TBC1D15: variants seen among roughly 807,000 people sequenced by gnomAD.
TBC1D15 encodes the protein TBC1 domain family member 15.
A neutral mutation model predicts 95.4 loss-of-function variants in TBC1D15; 39 were observed. That is an observed-to-expected ratio of 0.41 (90% CI 0.32 to 0.53). The LOEUF (loss-of-function observed/expected upper bound fraction) is 0.53. Among genes scored for constraint, TBC1D15 ranks in the 20% least tolerant of loss-of-function variants. The pLI is 0.29. For synonymous variants in TBC1D15, 258 were observed against 261.3 expected, an observed-to-expected ratio of 0.99 and a Z score of 0.12; for missense variants, 733 against 794.3, an observed-to-expected ratio of 0.92 and a Z score of 0.93.
intron 10 of TBC1D15, among the ~76,000 whole-genome samples, chr12:71,904,146 GA>G (rs1900115051): frequency 6.6e-6 from 1 of 152,204 alleles, no homozygotes; most frequent in African/African-American, 2.4e-5. Context: ...AAGAGCCACA[GA>G]GAAAGATTGA....
intron 1 of TBC1D15, among the ~76,000 whole-genome samples, chr12:71,844,941 A>G (rs1354167565): frequency 6.6e-6 from 1 of 152,192 alleles, no homozygotes; most frequent in African/African-American, 2.4e-5. Context: ...TGCTGAATGC[A>G]TGAGTAAAGA....
intron 1 of TBC1D15, among the ~76,000 whole-genome samples, chr12:71,859,260 C>T (rs1487375768): frequency 6.6e-6 from 1 of 151,882 alleles, no homozygotes; most frequent in Non-Finnish European, 1.5e-5. Context: ...TTGAGAGATA[C>T]CTATTTAGCT....
chr12:71,887,645 C>G (rs1166027854), intron 5 of TBC1D15, among the ~76,000 whole-genome samples: 1 of 152,180 alleles, frequency 6.6e-6, no homozygotes, highest in Admixed American at 6.5e-5. Flanking sequence ...TTTAATGTCA[C>G]TTCCTCAGAG....
At chr12:71,873,632 G>A (rs1246508615) in intron 3 of TBC1D15, among the ~76,000 whole-genome samples, 1 of 152,130 alleles carries the variant, frequency 6.6e-6, no homozygotes, top group African/African-American at 2.4e-5. Context: ...TTTAACATTT[G>A]GGGGAACTGC....
intron 5 of TBC1D15, among the ~76,000 whole-genome samples, chr12:71,887,769 A>G (rs918881727): frequency 6.6e-6 from 1 of 152,128 alleles, no homozygotes; most frequent in Non-Finnish European, 1.5e-5. Flanking sequence ...AATTTGGTCT[A>G]TTCTTTTGTG....
rs866109080 is a variant in TBC1D15 at position 71,872,996 on chromosome 12, C to A, written c.197C>A (p.Ala66Asp). 1 of 1,602,982 alleles carries A rather than the reference C, an allele frequency of 6.2e-7. No individual in the cohort carries two copies. Among genetic ancestry groups the A allele is most frequent in the Non-Finnish European group, 8.5e-7 (1 of 1,175,500 alleles). The change falls in exon 3 of 17, where the codon GCT (alanine) becomes GAT (aspartate). Residue 66 changes from alanine to aspartate, a missense_variant. By Grantham distance (126) the Ala-to-Asp change is moderately radical. Coordinates refer to ENST00000485960, the MANE Select transcript of TBC1D15 (RefSeq NM_001146213.3). ...DALDSSSILY[A>D]RKDSSSVVEW... ...TTAGATTCCTCTAGTATTCTCTATG[C>A]TAGAAAGGTATTTAAGAAAAAAATG...
intron 6 of TBC1D15, 191 bp from the exon 7 acceptor site, chr12:71,894,490 CAAATG>C (rs1897802376): frequency 1.6e-6 from 2 of 1,258,688 alleles, no homozygotes; most frequent in Non-Finnish European, 2.3e-6. Flanking sequence ...CTATTTTAAC[CAAATG>C]AAATGATTGG....
At chr12:71,872,902 A>G in intron 2 of TBC1D15, 27 bp from the exon 3 acceptor site, 2 of 1,514,448 alleles carry the variant, frequency 1.3e-6, no homozygotes, top group Non-Finnish European at 1.8e-6. Flanking sequence ...CTGAATATTA[A>G]ATATAGTTCA....
intron 13 of TBC1D15, 54 bp from the exon 14 acceptor site, chr12:71,918,397 C>A: frequency 1.8e-6 from 2 of 1,138,090 alleles, no homozygotes; most frequent in Admixed American, 4.6e-5. Context: ...TAACTGTATT[C>A]TGACATAATT....
At chr12:71,865,413 A>G (rs1048442429) in intron 1 of TBC1D15, among the ~76,000 whole-genome samples, 1 of 152,096 alleles carries the variant, frequency 6.6e-6, no homozygotes, top group African/African-American at 2.4e-5. Flanking sequence ...CAGTTCAGGA[A>G]TCTGAGCCAG....
intron 8 of TBC1D15, 43 bp from the exon 9 acceptor site, chr12:71,896,629 TATTAC>T (rs1335894701): frequency 1.3e-6 from 2 of 1,492,044 alleles, no homozygotes; most frequent in African/African-American, 2.8e-5. Flanking sequence ...GAACTTACAG[TATTAC>T]ATTCTTTTTC....
At position 71,864,457 on chromosome 12, in the gene TBC1D15, A is replaced by G. The variant is rs1222205932; in HGVS notation, c.31-7613A>G. On this transcript the variant is annotated intron_variant, in intron 1 of 16. Transcript: ENST00000485960. ...TTCTAAACTCTGTAGAGTGGCTTTT[A>G]TAGAGAATGACTTTCACCTGCAGTT... Among the ~76,000 whole-genome samples, 5 of 149,326 alleles carry G rather than the reference A, an allele frequency of 3.3e-5. No homozygotes were observed. The East Asian group carries it at 9.8e-4, about 29-fold the overall frequency.
chr12:71,872,778 C>A (rs1430561159), intron 2 of TBC1D15, 151 bp from the exon 3 acceptor site: 2 of 512,666 alleles, frequency 3.9e-6, no homozygotes, highest in Non-Finnish European at 6.7e-6. Context: ...TTTGAAAAAT[C>A]TATGTAACAT....
At chr12:71,870,528 G>C (rs1272787933) in intron 1 of TBC1D15, among the ~76,000 whole-genome samples, 1 of 152,172 alleles carries the variant, frequency 6.6e-6, no homozygotes, top group African/African-American at 2.4e-5. Context: ...ACTGTTTCCT[G>C]ACATAAGTCC....
chr12:71,916,651 C>T (rs1158845005), intron 12 of TBC1D15, among the ~76,000 whole-genome samples: 3 of 152,126 alleles, frequency 2.0e-5, no homozygotes, highest in African/African-American at 2.4e-5. Flanking sequence ...CTAAGGCTTT[C>T]ACTAGGGTTA....
chr12:71,891,227 G>A (rs919639143), intron 5 of TBC1D15, among the ~76,000 whole-genome samples: 19 of 152,228 alleles, frequency 1.2e-4, no homozygotes, highest in Middle Eastern at 3.4e-3. Context: ...TATAATTTCT[G>A]AGTTTATTAT....
At chr12:71,872,301 C>A in intron 2 of TBC1D15, 133 bp downstream of exon 2, 2 of 492,462 alleles carry the variant, frequency 4.1e-6, no homozygotes, top group Admixed American at 4.0e-5. Context: ...AAATTTAACA[C>A]CGAAATGATG....
intron 3 of TBC1D15, among the ~76,000 whole-genome samples, 195 bp from the exon 4 acceptor site, chr12:71,880,274 T>C (rs1261483864): frequency 2.0e-5 from 3 of 150,750 alleles, no homozygotes; most frequent in Non-Finnish European, 4.4e-5. Context: ...CAGGGGAGTC[T>C]AGTCAAGCTT....
intron 1 of TBC1D15, among the ~76,000 whole-genome samples, chr12:71,859,567 TGTA>T: frequency 6.6e-6 from 1 of 152,302 alleles, no homozygotes; most frequent in Non-Finnish European, 1.5e-5. Context: ...AACATTTTCT[TGTA>T]GTAGTTTCAT....
Sources: allele counts gnomAD v4.1 joint callset (sites outside exome capture counted in the v4.1 genomes callset), GRCh38; gene constraint gnomAD v4.1.1; transcripts MANE v1.5; gene names NCBI Gene and HGNC (gene_info 2026-07-23, HGNC 2026-07-21).